The following SRGAP2 variants were observed in gnomAD, a reference collection of about 807,000 sequenced individuals.
SRGAP2 encodes SLIT-ROBO Rho GTPase activating protein 2.
SRGAP2 carries 15 observed loss-of-function variants against 57.2 expected under a neutral mutation model. The ratio of observed to expected loss-of-function variants is 0.26; its 90% CI spans 0.18 to 0.40. SRGAP2 has a LOEUF of 0.40. Ranked by LOEUF, SRGAP2 falls within the 10% of genes least tolerant of loss-of-function variation. The pLI is 1.00. For missense variants in SRGAP2, 520 were observed against 669.6 expected (o/e 0.78, Z 2.47); for synonymous variants, 249 against 248.0 (o/e 1.00, Z -0.04).
chr1:206,429,279 T>C (rs1012345660), intron 13 of SRGAP2, among the ~76,000 whole-genome samples: 13 of 152,240 alleles, frequency 8.5e-5, no homozygotes, highest in African/African-American at 3.1e-4. Flanking sequence ...AGTTAGTTTT[T>C]CTTTTCTATC....
intron 4 of SRGAP2, among the ~76,000 whole-genome samples, chr1:206,370,755 T>C (rs1553342434): frequency 6.6e-6 from 1 of 152,194 alleles, no homozygotes; most frequent in Non-Finnish European, 1.5e-5. Flanking sequence ...GTGAATTATA[T>C]CTCAATAATT....
At chr1:206,307,902 CA>C (rs1672351915) in intron 3 of SRGAP2, among the ~76,000 whole-genome samples, 1 of 151,986 alleles carries the variant, frequency 6.6e-6, no homozygotes, top group Non-Finnish European at 1.5e-5. Flanking sequence ...GGGGCTCCCA[CA>C]GTGCAGGGGG....
intron 2 of SRGAP2, among the ~76,000 whole-genome samples, chr1:206,280,060 G>T (rs1242782220): frequency 6.6e-6 from 1 of 151,464 alleles, no homozygotes; most frequent in Non-Finnish European, 1.5e-5. Flanking sequence ...TTTCAAGGAA[G>T]GATATAGAAT....
At chr1:206,412,997 C>A (rs539868305) in intron 10 of SRGAP2, among the ~76,000 whole-genome samples, 1 of 152,162 alleles carries the variant, frequency 6.6e-6, no homozygotes, top group Non-Finnish European at 1.5e-5. Context: ...TTAATGAAAC[C>A]CGAAGAGGTA....
intron 18 of SRGAP2, among the ~76,000 whole-genome samples, chr1:206,446,885 C>T (rs1330938166): frequency 6.6e-6 from 1 of 152,172 alleles, no homozygotes; most frequent in African/African-American, 2.4e-5. Context: ...GACCTAGCTT[C>T]GGAACAGAGA....
At chr1:206,450,350 A>G (rs782591632) in intron 18 of SRGAP2, 36 bp from the exon 19 acceptor site, 17 of 779,194 alleles carry the variant, frequency 2.2e-5, no homozygotes, top group Admixed American at 1.4e-4. Context: ...TTATGAGCAC[A>G]TGTTAATGTC....
chr1:206,256,797 G>A (rs1318366540), intron 2 of SRGAP2, among the ~76,000 whole-genome samples: 1 of 152,126 alleles, frequency 6.6e-6, no homozygotes, highest in Non-Finnish European at 1.5e-5. Flanking sequence ...CACCCAAGTT[G>A]CTTCCAAAGA....
In SRGAP2 at chr1:206,446,111, C is replaced by T. The variant is rs1553373626; in HGVS notation, c.1911C>T (p.Pro637=). ...SQFSEENMMD[P]YNLAICFGPS... ...TCAGTGAAGAGAACATGATGGACCC[C>T]TACAACCTCGCCATCTGCTTCGGGC... The change falls in exon 18 of 23, where the codon CCC becomes CCT. Residue 637 remains proline, a synonymous_variant. Coordinates refer to ENST00000573034, the MANE Select transcript of SRGAP2 (RefSeq NM_015326.5). The T allele has an allele frequency of 2.6e-6, 2 of 780,862 alleles. No homozygotes were observed. The highest frequency in any genetic ancestry group is 4.8e-6 in the Non-Finnish European group (2 of 418,024). 48.4% of individuals were successfully genotyped at this position (780,862 alleles called of 1,614,324 possible). A position where few individuals can be genotyped will look rare whatever the true frequency, so the allele number is the denominator to read the frequency against.
Position 206,268,081 on chromosome 1 carries a change from ATT to A in SRGAP2, c.68-35186_68-35185del, listed in dbSNP as rs71568075. On this transcript the variant is annotated intron_variant, in intron 2 of 22. Transcript: ENST00000573034. Reference sequence around the variant, plus strand: ...TGATGAACATGGACTATATATATATATTTTTTTTTTTTTTTAAATTATACTTT... The same window carrying A: ...TGATGAACATGGACTATATATATATATTTTTTTTTTTTTAAATTATACTTT... Among the ~76,000 whole-genome samples, 280 of 145,238 alleles carry A rather than the reference ATT, an allele frequency of 1.9e-3. 2 individuals carry two copies. The highest frequency in any genetic ancestry group is 6.3e-3 in the East Asian group (32 of 5,062).
chr1:206,440,907 T>G (rs1465563186), intron 17 of SRGAP2, among the ~76,000 whole-genome samples: 1 of 152,184 alleles, frequency 6.6e-6, no homozygotes, highest in Non-Finnish European at 1.5e-5. Context: ...GTGGAGAAGT[T>G]ACTGGAAAGG....
chr1:206,334,676 G>C (rs1308786113), intron 3 of SRGAP2, among the ~76,000 whole-genome samples: 2 of 152,126 alleles, frequency 1.3e-5, no homozygotes, highest in Non-Finnish European at 2.9e-5. Context: ...TGCTCTTAAG[G>C]GGGTGGTTAC....
chr1:206,281,527 G>A (rs1670735660), intron 2 of SRGAP2, among the ~76,000 whole-genome samples: 1 of 127,716 alleles, frequency 7.8e-6, no homozygotes, highest in Non-Finnish European at 1.6e-5. Context: ...AAAAATACTG[G>A]CAAACATAGT....
At chr1:206,392,930 T>C (rs574828611) in intron 6 of SRGAP2, 26 bp downstream of exon 6, 13 of 716,730 alleles carry the variant, frequency 1.8e-5, no homozygotes, top group South Asian at 1.5e-4. Flanking sequence ...CAGCTGTAGA[T>C]GCTGGGAAGC....
At chr1:206,244,265 T>C in intron 2 of SRGAP2, among the ~76,000 whole-genome samples, 1 of 106,966 alleles carries the variant, frequency 9.3e-6, no homozygotes, top group African/African-American at 3.9e-5. Flanking sequence ...CAGATTAATG[T>C]TTTAAATCTT....
At chr1:206,269,134 C>T (rs1670055200) in intron 2 of SRGAP2, among the ~76,000 whole-genome samples, 3 of 149,872 alleles carry the variant, frequency 2.0e-5, no homozygotes, top group East Asian at 1.9e-4. Context: ...TGGAATACTA[C>T]GTATATAATG....
chr1:206,366,048 C>T (rs1653974779), intron 4 of SRGAP2, among the ~76,000 whole-genome samples: 2 of 152,154 alleles, frequency 1.3e-5, no homozygotes, highest in Admixed American at 1.3e-4. Context: ...TGTCTTTTTT[C>T]TTGCTTTAAA....
At position 206,463,281 on chromosome 1, in the gene SRGAP2, A is replaced by G. The variant is rs1281768404; in HGVS notation, c.*1861A>G. On this transcript the variant is annotated 3_prime_UTR_variant, in exon 23 of 23. Transcript: ENST00000573034. ...GAGAACTGAAGAACTCTTTCAGTGA[A>G]GTGAGTCAGCCTAGAAGAGGCAACC... is the stretch of plus-strand genomic sequence containing the variant. 2.6e-5 allele frequency: 4 copies of G among 152,564 alleles called. No homozygotes were observed. The South Asian group carries it at 6.2e-4, about 24-fold the overall frequency. 9.5% of individuals were successfully genotyped at this position (152,564 alleles called of 1,614,324 possible).
At chr1:206,241,821 T>C (rs1333695796) in intron 2 of SRGAP2, among the ~76,000 whole-genome samples, 5 of 151,844 alleles carry the variant, frequency 3.3e-5, no homozygotes, top group Non-Finnish European at 7.4e-5. Flanking sequence ...GTACCTGCTG[T>C]TTCTTTTAGA....
At chr1:206,262,793 T>C (rs1327545435) in intron 2 of SRGAP2, among the ~76,000 whole-genome samples, 2 of 142,818 alleles carry the variant, frequency 1.4e-5, no homozygotes, top group Non-Finnish European at 3.0e-5. Flanking sequence ...CTGCCACCAG[T>C]TGATTGCTTT....
Sources: gnomAD v4.1 joint callset for allele counts (sites outside exome capture counted in the v4.1 genomes callset) on GRCh38, gnomAD v4.1.1 for gene constraint, MANE v1.5 for transcripts, NCBI Gene and HGNC (gene_info 2026-07-23, HGNC 2026-07-21) for gene names.